Variants in DNER observed in about 807,000 individuals in gnomAD.
DNER encodes the protein delta/notch like EGF repeat containing, also known as delta and Notch-like epidermal growth factor-related receptor.
Under a neutral mutation model 78.2 loss-of-function variants are expected in DNER, and 33 were observed. That is an observed-to-expected ratio of 0.42 (90% CI 0.32 to 0.56). The LOEUF is 0.56. Ranked by LOEUF, DNER falls within the 20% of genes least tolerant of loss-of-function variation. The pLI, the probability that DNER is intolerant of heterozygous loss-of-function variation, is 0.11. For synonymous variants in DNER, 417 were observed against 384.8 expected, an observed-to-expected ratio of 1.08 and a Z score of -0.98; for missense variants, 918 against 975.3, an observed-to-expected ratio of 0.94 and a Z score of 0.78.
intron 1 of DNER, among the ~76,000 whole-genome samples, chr2:229,679,829 T>C (rs1419449377): frequency 6.6e-6 from 1 of 152,158 alleles, no homozygotes; most frequent in African/African-American, 2.4e-5. Context: ...TGTCCTAACA[T>C]CTTTCACACC....
intron 4 of DNER, among the ~76,000 whole-genome samples, chr2:229,562,310 C>T (rs1332116114): frequency 1.3e-5 from 2 of 152,138 alleles, no homozygotes; most frequent in Non-Finnish European, 2.9e-5. Context: ...CCTTCTCGGT[C>T]CTCTTCCTTT....
At position 229,681,103 on chromosome 2, in the gene DNER, A is replaced by C. The variant is rs1699381005; in HGVS notation, c.276+33045T>G. Among the ~76,000 whole-genome samples, 2 of 152,246 alleles carry C rather than the reference A, an allele frequency of 1.3e-5. 1 individual carries two copies. The highest frequency in any genetic ancestry group is 4.1e-4 in the South Asian group (2 of 4,830). ...GCTCTCTGAGGAAGCTCTGATTTGT[A>C]GACTCTGCCAATTTTCATTGTGTAA... On this transcript the variant is annotated intron_variant, in intron 1 of 12. Transcript: ENST00000341772.
intron 12 of DNER, among the ~76,000 whole-genome samples, chr2:229,363,661 T>A (rs1692267718): frequency 6.6e-6 from 1 of 152,228 alleles, no homozygotes; most frequent in Non-Finnish European, 1.5e-5. Context: ...CAGCACCAAA[T>A]AAGAGCCAGG....
chr2:229,705,306 G>A (rs1699809225), intron 1 of DNER, among the ~76,000 whole-genome samples: 1 of 152,172 alleles, frequency 6.6e-6, no homozygotes, highest in African/African-American at 2.4e-5. Context: ...AAATTCTAAA[G>A]GACCTGCTTG....
intron 5 of DNER, among the ~76,000 whole-genome samples, chr2:229,516,798 A>G (rs1325589215): frequency 9.4e-5 from 14 of 148,626 alleles, no homozygotes; most frequent in African/African-American, 3.5e-4. Context: ...AAAAAAAAAA[A>G]AAAAAAGAAA....
At position 229,714,541 on chromosome 2, in the gene DNER, G is replaced by A. The variant is rs903062046; in HGVS notation, c.-118C>T. 11 of 1,031,162 alleles carry A rather than the reference G, an allele frequency of 1.1e-5. No homozygotes were observed. Among genetic ancestry groups the A allele is most frequent in the African/African-American group, 1.7e-5 (1 of 57,990 alleles). 63.9% of individuals were successfully genotyped at this position (1,031,162 alleles called of 1,614,324 possible). A position where few individuals can be genotyped will look rare whatever the true frequency, so the allele number is the denominator to read the frequency against. ...GGCTAGGGCTGCTCCGCCGGGCCGG[G>A]CGCCTCCTGCAGCTGCGGGATCCGC... is the stretch of plus-strand genomic sequence containing the variant. On this transcript the variant is annotated 5_prime_UTR_variant, in exon 1 of 13. Transcript: ENST00000341772.
chr2:229,491,689 T>C (rs184112941), intron 6 of DNER, among the ~76,000 whole-genome samples: 1 of 152,286 alleles, frequency 6.6e-6, no homozygotes, highest in Non-Finnish European at 1.5e-5. Context: ...CTTTACCCTG[T>C]TTTATTTTTT....
At chr2:229,522,110 CT>C (rs200497875) in intron 5 of DNER, among the ~76,000 whole-genome samples, 1,796 of 152,118 alleles carry the variant, frequency 0.012, 38 homozygotes, top group African/African-American at 0.041. Context: ...GAATTCATTC[CT>C]TCAGCTTAAA....
intron 8 of DNER, among the ~76,000 whole-genome samples, chr2:229,434,126 G>A (rs1694072365): frequency 6.6e-6 from 1 of 152,156 alleles, no homozygotes; most frequent in Admixed American, 6.5e-5. Context: ...TACTGTGACT[G>A]GGATTATTCC....
chr2:229,421,797 A>G (rs1313501627), intron 8 of DNER, among the ~76,000 whole-genome samples: 1 of 152,056 alleles, frequency 6.6e-6, no homozygotes, highest in Non-Finnish European at 1.5e-5. Flanking sequence ...CACCTTTTCA[A>G]TTGCATTTGC....
At chr2:229,363,478 C>A (rs975066292) in intron 12 of DNER, among the ~76,000 whole-genome samples, 1 of 152,188 alleles carries the variant, frequency 6.6e-6, no homozygotes, top group African/African-American at 2.4e-5. Context: ...CCAGCCATGG[C>A]CTCTACACAG....
intron 1 of DNER, among the ~76,000 whole-genome samples, chr2:229,662,348 A>G (rs1699022400): frequency 6.6e-6 from 1 of 152,224 alleles, no homozygotes; most frequent in African/African-American, 2.4e-5. Context: ...AGACCTAAGG[A>G]AAAAGATAAC....
intron 5 of DNER, among the ~76,000 whole-genome samples, chr2:229,518,563 G>A (rs1696027616): frequency 6.6e-6 from 1 of 152,228 alleles, no homozygotes. Context: ...CAATGTCTTT[G>A]AAGAATTGCA....
At chr2:229,443,697 TG>T (rs1343895555) in intron 8 of DNER, among the ~76,000 whole-genome samples, 1 of 152,188 alleles carries the variant, frequency 6.6e-6, no homozygotes, top group Non-Finnish European at 1.5e-5. Flanking sequence ...TTTTATGAAA[TG>T]AGATCCGTTT....
intron 8 of DNER, among the ~76,000 whole-genome samples, chr2:229,440,842 T>G (rs1042817597): frequency 6.6e-6 from 1 of 152,216 alleles, no homozygotes; most frequent in African/African-American, 2.4e-5. Context: ...ATCCCGATCC[T>G]CACATAAACG....
chr2:229,509,661 A>C (rs1695823741), intron 6 of DNER, among the ~76,000 whole-genome samples: 1 of 152,206 alleles, frequency 6.6e-6, no homozygotes, highest in Non-Finnish European at 1.5e-5. Context: ...TAAAAGTACA[A>C]AAATTACCCG....
chr2:229,515,995 G>C (rs1695963387), intron 5 of DNER, among the ~76,000 whole-genome samples: 1 of 152,138 alleles, frequency 6.6e-6, no homozygotes, highest in South Asian at 2.1e-4. Context: ...CATCCATTTT[G>C]TTTTGCTTTA....
chr2:229,489,421 T>A (rs1371187988), intron 6 of DNER, among the ~76,000 whole-genome samples: 1 of 151,026 alleles, frequency 6.6e-6, no homozygotes, highest in East Asian at 2.0e-4. Context: ...TAGGGATGCA[T>A]GAGAAAGCCA....
intron 7 of DNER, among the ~76,000 whole-genome samples, chr2:229,472,049 T>C (rs559256519): frequency 6.6e-6 from 1 of 152,224 alleles, no homozygotes; most frequent in East Asian, 1.9e-4. Context: ...CAACATTGCA[T>C]TCTAATAGTT....
Sources: gnomAD v4.1 joint callset for allele counts (sites outside exome capture counted in the v4.1 genomes callset) on GRCh38, gnomAD v4.1.1 for gene constraint, MANE v1.5 for transcripts, NCBI Gene and HGNC (gene_info 2026-07-23, HGNC 2026-07-21) for gene names.